Variants in LRMDA observed in about 807,000 individuals in gnomAD.
The protein encoded by LRMDA is leucine-rich melanocyte differentiation-associated protein.
Under a neutral mutation model 29.8 loss-of-function variants are expected in LRMDA, and 18 were observed. The ratio of observed to expected loss-of-function variants is 0.60; its 90% CI spans 0.42 to 0.90. The LOEUF (loss-of-function observed/expected upper bound fraction) is 0.90, where lower values mean the gene tolerates loss of function less well. Among genes scored for constraint, LRMDA ranks in the 40% least tolerant of loss-of-function variants. The pLI, the probability that LRMDA is intolerant of heterozygous loss-of-function variation, is 0.00. For synonymous variants in LRMDA, 125 were observed against 109.4 expected, an observed-to-expected ratio of 1.14 and a Z score of -0.89; for missense variants, 273 against 273.9, an observed-to-expected ratio of 1.00 and a Z score of 0.02.
rs191291708 is a variant in LRMDA, at chr10:76,530,098, A to G, written c.602-27111A>G. On this transcript the variant is annotated intron_variant, in intron 6 of 6. Coordinates refer to ENST00000611255, the MANE Select transcript of LRMDA (RefSeq NM_001305581.2). ...GCAATGAGGAGATCTTCATTTGGCA[A>G]TGGATAGGCTCCCAAAACAGAAAGC... 1.3e-4 allele frequency among the ~76,000 whole-genome samples: 20 copies of G among 152,268 alleles called. No homozygotes were observed. In the East Asian group the frequency reaches 3.3e-3, roughly 25 times the overall value.
At chr10:75,823,496 G>A (rs1235379446) in intron 2 of LRMDA, among the ~76,000 whole-genome samples, 1 of 152,032 alleles carries the variant, frequency 6.6e-6, no homozygotes, top group Non-Finnish European at 1.5e-5. Context: ...TGCAGTAAAG[G>A]GAATTCCCAC....
intron 2 of LRMDA, among the ~76,000 whole-genome samples, chr10:75,961,913 T>G (rs1846774282): frequency 6.6e-6 from 1 of 152,134 alleles, no homozygotes; most frequent in Non-Finnish European, 1.5e-5. Flanking sequence ...TGGCTTCTGG[T>G]GGTGGCTGGC....
At chr10:76,342,512 G>A (rs1295790015) in intron 6 of LRMDA, among the ~76,000 whole-genome samples, 9 of 151,648 alleles carry the variant, frequency 5.9e-5, no homozygotes, top group African/African-American at 1.9e-4. Flanking sequence ...AAAGTGGAAG[G>A]GAGGAAGTTT....
intron 5 of LRMDA, among the ~76,000 whole-genome samples, chr10:76,247,622 T>TC (rs902802071): frequency 6.6e-5 from 10 of 152,074 alleles, no homozygotes; most frequent in African/African-American, 2.4e-4. Flanking sequence ...TATGCATGAA[T>TC]CCCCCCTGCC....
At chr10:75,443,275 C>T (rs1844351109) in intron 2 of LRMDA, among the ~76,000 whole-genome samples, 1 of 151,944 alleles carries the variant, frequency 6.6e-6, no homozygotes, top group South Asian at 2.1e-4. Flanking sequence ...CATCCTTATT[C>T]CTGATCTTAG....
chr10:76,275,653 G>A (rs775903689), intron 5 of LRMDA, among the ~76,000 whole-genome samples: 11 of 151,872 alleles, frequency 7.2e-5, no homozygotes, highest in Non-Finnish European at 1.5e-4. Flanking sequence ...TTTGGTCTTT[G>A]TTTCTTTAGG....
At chr10:75,949,369 T>A (rs1358579453) in intron 2 of LRMDA, among the ~76,000 whole-genome samples, 1 of 152,248 alleles carries the variant, frequency 6.6e-6, no homozygotes, top group Non-Finnish European at 1.5e-5. Context: ...TGCCTTGTAA[T>A]GTTTGAGCCT....
chr10:76,235,761 A>G (rs1305093062), intron 5 of LRMDA, among the ~76,000 whole-genome samples: 1 of 152,208 alleles, frequency 6.6e-6, no homozygotes, highest in Non-Finnish European at 1.5e-5. Context: ...TAGAAACTGT[A>G]TGACGAATAA....
chr10:75,688,797 C>T (rs1340160905), intron 2 of LRMDA, among the ~76,000 whole-genome samples: 1 of 152,186 alleles, frequency 6.6e-6, no homozygotes, highest in Non-Finnish European at 1.5e-5. Context: ...CAGCCTTCAG[C>T]AGCCAACATC....
At chr10:76,273,193 A>G (rs1179010170) in intron 5 of LRMDA, among the ~76,000 whole-genome samples, 2 of 152,202 alleles carry the variant, frequency 1.3e-5, no homozygotes, top group South Asian at 2.1e-4. Flanking sequence ...CTCCACATGT[A>G]TCCCTTCTAG....
chr10:76,556,289 T>G (rs2451912), intron 6 of LRMDA: 125,136 of 152,094 alleles, frequency 0.82, 53,853 homozygotes, highest in Non-Finnish European at 0.97. Flanking sequence ...AGTTCAGGAT[T>G]CCTGTAAGAA....
At chr10:75,679,928 A>G (rs1283651888) in intron 2 of LRMDA, among the ~76,000 whole-genome samples, 1 of 152,192 alleles carries the variant, frequency 6.6e-6, no homozygotes, top group African/African-American at 2.4e-5. Flanking sequence ...CCCTTAAATT[A>G]TCTTAAAGAA....
chr10:76,063,434 G>A (rs1394245788), intron 5 of LRMDA, among the ~76,000 whole-genome samples: 1 of 152,076 alleles, frequency 6.6e-6, no homozygotes, highest in African/African-American at 2.4e-5. Flanking sequence ...TCTAAGTGGC[G>A]AGCGATTTCC....
At chr10:76,376,300 C>T (rs193084548) in intron 6 of LRMDA, among the ~76,000 whole-genome samples, 3 of 152,112 alleles carry the variant, frequency 2.0e-5, no homozygotes, top group South Asian at 2.1e-4. Context: ...TAGTTTCACC[C>T]GTGTTGCTGC....
intron 2 of LRMDA, among the ~76,000 whole-genome samples, chr10:75,693,941 A>C (rs940491742): frequency 3.3e-5 from 5 of 152,078 alleles, no homozygotes; most frequent in South Asian, 2.1e-4. Flanking sequence ...TTAACTAAAA[A>C]CCCTACCCCA....
At chr10:75,625,799 T>A (rs1221658600) in intron 2 of LRMDA, among the ~76,000 whole-genome samples, 2 of 152,206 alleles carry the variant, frequency 1.3e-5, no homozygotes, top group African/African-American at 2.4e-5. Context: ...AAAGGATTTT[T>A]AAAGACATCC....
intron 6 of LRMDA, among the ~76,000 whole-genome samples, chr10:76,488,162 GAAAAAAATT>G (rs1337975899): frequency 6.6e-6 from 1 of 151,508 alleles, no homozygotes; most frequent in African/African-American, 2.4e-5. Flanking sequence ...AACACTAGAA[GAAAAAAATT>G]ATCTGTTTTT....
chr10:75,866,476 A>G (rs1845022314), intron 2 of LRMDA, among the ~76,000 whole-genome samples: 1 of 152,232 alleles, frequency 6.6e-6, no homozygotes, highest in Non-Finnish European at 1.5e-5. Context: ...TTTGGTAGCA[A>G]TGAAGATTGC....
In LRMDA at chr10:75,618,382, C is replaced by CTCTATA. The variant is rs1338091170; in HGVS notation, c.131+179889_131+179890insCTATAT. On this transcript the variant is annotated intron_variant, in intron 2 of 6. Transcript: ENST00000611255. ...TCTCTCTCTCTCTCTCTCTCTCTCT[C>CTCTATA]TATATATATATATATATATATATAT... Among the ~76,000 whole-genome samples the CTCTATA allele has an allele frequency of 1.8e-3, 140 of 77,020 alleles. 1 individual carries two copies. Among genetic ancestry groups the CTCTATA allele is most frequent in the African/African-American group, 5.5e-3 (132 of 24,052 alleles). The allele number at this position is 77,020 out of a possible 152,430, so 50.5% of individuals were successfully genotyped here. A position where few individuals can be genotyped will look rare whatever the true frequency, so the allele number is the denominator to read the frequency against.
Sources: allele counts gnomAD v4.1 joint callset (sites outside exome capture counted in the v4.1 genomes callset), GRCh38; gene constraint gnomAD v4.1.1; transcripts MANE v1.5; gene names NCBI Gene and HGNC (gene_info 2026-07-23, HGNC 2026-07-21).